The following MGAT4A variants were observed in gnomAD, a reference collection of about 807,000 sequenced individuals.
MGAT4A encodes alpha-1,3-mannosyl-glycoprotein 4-beta-N-acetylglucosaminyltransferase A.
A neutral mutation model predicts 74.1 loss-of-function variants in MGAT4A; 33 were observed. The observed-to-expected ratio is 0.45, with a 90% CI of 0.34 to 0.60. The LOEUF (loss-of-function observed/expected upper bound fraction) is 0.60. MGAT4A is among the 20% of genes least tolerant of loss of function. MGAT4A has a pLI of 0.02. For missense variants in MGAT4A, 479 were observed against 628.3 expected (o/e 0.76, Z 2.54); for synonymous variants, 198 against 210.4 (o/e 0.94, Z 0.51).
chr2:98,649,590 G>A (rs549004360), intron 8 of MGAT4A, among the ~76,000 whole-genome samples: 27 of 152,278 alleles, frequency 1.8e-4, no homozygotes, highest in African/African-American at 5.8e-4. Context: ...ACCAGAGGCT[G>A]CAGTACCAGA....
In MGAT4A at chr2:98,619,607, C is replaced by T. The variant is rs1420442445; in HGVS notation, c.*5959G>A. 1 of 152,232 alleles carries T rather than the reference C, an allele frequency of 6.6e-6. No homozygotes were observed. Among genetic ancestry groups the T allele is most frequent in the Non-Finnish European group, 1.5e-5 (1 of 68,046 alleles). The allele number at this position is 152,232 out of a possible 1,614,324, so 9.4% of individuals were successfully genotyped here. ...ACTGAAATGAAAAGTATCAAATCTACTGGCAGTGCATCTTACAGTACTGTC... is the reference window on the plus strand; with the variant it reads ...ACTGAAATGAAAAGTATCAAATCTATTGGCAGTGCATCTTACAGTACTGTC... On this transcript the variant is annotated 3_prime_UTR_variant, in exon 16 of 16. Transcript: ENST00000393487.
intron 5 of MGAT4A, among the ~76,000 whole-genome samples, chr2:98,660,538 G>A (rs965656422): frequency 6.6e-6 from 1 of 151,500 alleles, no homozygotes; most frequent in African/African-American, 2.4e-5. Context: ...ATACTATGAA[G>A]CTATAATAAT....
Position 98,623,313 on chromosome 2 carries a change from A to G in MGAT4A, c.*2253T>C, listed in dbSNP as rs1701089942. On this transcript the variant is annotated 3_prime_UTR_variant, in exon 16 of 16. Coordinates refer to ENST00000393487, the MANE Select transcript of MGAT4A (RefSeq NM_012214.3). ...GCAGGCTGTCTTTAAAGAAGTTGTA[A>G]CAAATCACACCAGGTGCTGCAATAA... 1 of 985,320 alleles carries G rather than the reference A, an allele frequency of 1.0e-6. No individual in the cohort carries two copies. The highest frequency in any genetic ancestry group is 1.7e-5 in the African/African-American group (1 of 57,222). The allele number at this position is 985,320 out of a possible 1,614,324, so 61.0% of individuals were successfully genotyped here.
intron 12 of MGAT4A, among the ~76,000 whole-genome samples, chr2:98,637,795 C>T (rs1418095599): frequency 1.3e-5 from 2 of 152,212 alleles, no homozygotes; most frequent in Admixed American, 1.3e-4. Context: ...ACAGTCCCAT[C>T]TACCTCAGAG....
At chr2:98,720,209 C>T (rs372102285) in intron 2 of MGAT4A, among the ~76,000 whole-genome samples, 99 of 152,306 alleles carry the variant, frequency 6.5e-4, no homozygotes, top group African/African-American at 2.3e-3. Context: ...GCCCAGACAG[C>T]TGATAAAACA....
At chr2:98,699,456 A>G (rs1034722209) in intron 2 of MGAT4A, among the ~76,000 whole-genome samples, 2 of 152,148 alleles carry the variant, frequency 1.3e-5, no homozygotes, top group African/African-American at 2.4e-5. Flanking sequence ...TAGCAGTCTC[A>G]GATTTGCCAT....
rs1194638749 is a variant in MGAT4A, at chr2:98,643,871, T to G, written c.1020+52A>C. 2.1e-6 allele frequency: 3 copies of G among 1,403,542 alleles called. No individual in the cohort carries two copies. The African/African-American group carries it at 4.4e-5, about 20-fold the overall frequency. The allele number at this position is 1,403,542 out of a possible 1,614,324, so 86.9% of individuals were successfully genotyped here. ...TTTGCAAAATCTCTAAAAGTCACTT[T>G]CACGAAATACAGAAGTGAAACTCCC... is the stretch of plus-strand genomic sequence containing the variant. On this transcript the variant is annotated intron_variant, in intron 10 of 15. Transcript: ENST00000393487.
At chr2:98,706,682 A>C (rs1392667779) in intron 2 of MGAT4A, among the ~76,000 whole-genome samples, 1 of 151,914 alleles carries the variant, frequency 6.6e-6, no homozygotes, top group Non-Finnish European at 1.5e-5. Flanking sequence ...GCATACTGCT[A>C]TCTGTGTAAA....
chr2:98,673,783 TAAAC>T lies in MGAT4A; in HGVS notation c.403+1248_403+1251del, dbSNP rs368768280. Reference sequence around the variant, plus strand: ...TACTCTTATGAATGAAGAAATAGTGTAAACAAACAAACCCACAACTACTTAAGAC... The same window carrying T: ...TACTCTTATGAATGAAGAAATAGTGTAAACAAACCCACAACTACTTAAGAC... On this transcript the variant is annotated intron_variant, in intron 4 of 15. Transcript: ENST00000393487. Among the ~76,000 whole-genome samples the T allele has an allele frequency of 2.7e-3, 410 of 152,208 alleles. 1 individual carries two copies. The highest frequency in any genetic ancestry group is 9.6e-3 in the African/African-American group (400 of 41,522).
chr2:98,729,036 T>C (rs1702805695), intron 1 of MGAT4A, among the ~76,000 whole-genome samples: 1 of 152,122 alleles, frequency 6.6e-6, no homozygotes, highest in Non-Finnish European at 1.5e-5. Context: ...GCACATCATA[T>C]AGTTAAGGAT....
chr2:98,714,426 T>C (rs927601278), intron 2 of MGAT4A, among the ~76,000 whole-genome samples: 3 of 152,034 alleles, frequency 2.0e-5, no homozygotes. Flanking sequence ...GACTTACAAA[T>C]GAGGAAAAGA....
chr2:98,688,336 C>A (rs1361364097), intron 2 of MGAT4A, among the ~76,000 whole-genome samples: 1 of 152,108 alleles, frequency 6.6e-6, no homozygotes, highest in African/African-American at 2.4e-5. Context: ...CTGTCACAAG[C>A]GGACTCTGCA....
chr2:98,641,018 T>C (rs1277656321), intron 10 of MGAT4A, among the ~76,000 whole-genome samples: 1 of 152,168 alleles, frequency 6.6e-6, no homozygotes, highest in Non-Finnish European at 1.5e-5. Context: ...AGACAATCTC[T>C]GTCAACACAG....
intron 2 of MGAT4A, among the ~76,000 whole-genome samples, 170 bp from the exon 3 acceptor site, chr2:98,678,641 A>G (rs1281397914): frequency 6.6e-6 from 1 of 152,172 alleles, no homozygotes; most frequent in Non-Finnish European, 1.5e-5. Flanking sequence ...AACAAAGTTT[A>G]TATGCTCTTA....
chr2:98,660,918 G>A (rs774574361), intron 5 of MGAT4A, among the ~76,000 whole-genome samples: 1 of 152,142 alleles, frequency 6.6e-6, no homozygotes, highest in Non-Finnish European at 1.5e-5. Context: ...TAGACAAATA[G>A]GATCACATCT....
chr2:98,655,785 T>G (rs559360007), intron 7 of MGAT4A: 11 of 284,688 alleles, frequency 3.9e-5, no homozygotes, highest in East Asian at 2.5e-4. Flanking sequence ...CAAGTAAGTA[T>G]GTATACATGT....
intron 2 of MGAT4A, among the ~76,000 whole-genome samples, chr2:98,687,641 C>T (rs781652159): frequency 3.3e-5 from 5 of 152,214 alleles, no homozygotes; most frequent in Non-Finnish European, 7.3e-5. Flanking sequence ...GCTCTCACCT[C>T]TTTCTTTTCA....
chr2:98,645,845 G>A (rs1018275656), intron 8 of MGAT4A, among the ~76,000 whole-genome samples: 1 of 152,128 alleles, frequency 6.6e-6, no homozygotes, highest in Non-Finnish European at 1.5e-5. Context: ...GGGGCAGAGA[G>A]AGCACAAGAT....
At chr2:98,655,564 A>G (rs1321793572) in intron 7 of MGAT4A, 44 bp from the exon 8 acceptor site, 1 of 1,319,486 alleles carries the variant, frequency 7.6e-7, no homozygotes, top group East Asian at 2.3e-5. Context: ...ATCAGACTCA[A>G]ATTTAGTAAA....
Sources: gnomAD v4.1 joint callset for allele counts (sites outside exome capture counted in the v4.1 genomes callset) on GRCh38, gnomAD v4.1.1 for gene constraint, MANE v1.5 for transcripts, NCBI Gene and HGNC (gene_info 2026-07-23, HGNC 2026-07-21) for gene names.